EPX: variants seen among roughly 807,000 people sequenced by gnomAD.
EPX encodes the protein eosinophil peroxidase.
Under a neutral mutation model 73.0 loss-of-function variants are expected in EPX, and 60 were observed. The ratio of observed to expected loss-of-function variants is 0.82; its 90% CI spans 0.67 to 1.02. EPX has a LOEUF of 1.02. Ranked by LOEUF, EPX falls within the 50% of genes least tolerant of loss-of-function variation. The pLI is 0.00. For missense variants in EPX, 950 were observed against 973.9 expected, an observed-to-expected ratio of 0.98 and a Z score of 0.33; for synonymous variants, 347 against 389.2, an observed-to-expected ratio of 0.89 and a Z score of 1.28.
rs751065435 is a variant in EPX at position 58,195,014 on chromosome 17, C to T, written c.645C>T (p.Thr215=). 2.4e-5 allele frequency: 38 copies of T among 1,614,166 alleles called. No homozygotes were observed. Among genetic ancestry groups the T allele is most frequent in the Non-Finnish European group, 3.0e-5 (35 of 1,180,006 alleles). ...QIVRFPNERL[T]SDRGRALMFM... ...TGCGCTTCCCCAATGAGAGACTGACCTCCGACCGTGGCCGAGCCCTCATGT... is the reference window on the plus strand; with the variant it reads ...TGCGCTTCCCCAATGAGAGACTGACTTCCGACCGTGGCCGAGCCCTCATGT... The change falls in exon 6 of 13, where the codon ACC becomes ACT. Residue 215 remains threonine (T), a synonymous_variant. Transcript: ENST00000225371.
Position 58,193,764 on chromosome 17 carries a change from G to C in EPX, c.397G>C (p.Ala133Pro), listed in dbSNP as rs1297380721. Residue 133 changes from alanine to proline, a missense_variant, in exon 4 of 13, where the codon GCT (alanine) becomes CCT (proline). Ala to Pro is a conservative substitution (Grantham distance 27). Transcript: ENST00000225371. Reference sequence around the variant, plus strand: ...GCTGCTGTCCCAGGCCAGTGGCTGTGCTCTCCGGGACCAGGCCGAGCGCTG... The same window carrying C: ...GCTGCTGTCCCAGGCCAGTGGCTGTCCTCTCCGGGACCAGGCCGAGCGCTG... ...LRLLSQASGC[A>P]LRDQAERCSD... The C allele has an allele frequency of 6.2e-7, 1 of 1,612,710 alleles. No homozygotes were observed. Among genetic ancestry groups the C allele is most frequent in the Admixed American group, 1.7e-5 (1 of 60,022 alleles).
rs1597968327 is a variant in EPX at position 58,200,129 on chromosome 17, C to T, written c.1538-96C>T. 6.6e-6 allele frequency: 8 copies of T among 1,214,700 alleles called. No individual in the cohort carries two copies. The South Asian group carries it at 9.7e-5, about 15-fold the overall frequency. 75.2% of individuals were successfully genotyped at this position (1,214,700 alleles called of 1,614,324 possible). A position where few individuals can be genotyped will look rare whatever the true frequency, so the allele number is the denominator to read the frequency against. ...AAACGTTACTAACATACCCGACTGG[C>T]TTGTCCAGCTCTGGGCTAGCTTGGC... On this transcript the variant is annotated intron_variant, in intron 9 of 12. Transcript: ENST00000225371.
At chr17:58,193,159 G>T in intron 2 of EPX, 28 bp downstream of exon 2, 1 of 1,510,932 alleles carries the variant, frequency 6.6e-7, no homozygotes, top group Non-Finnish European at 9.2e-7. Flanking sequence ...GGCTGCATGG[G>T]CCTGGGAGGA....
chr17:58,193,779 G>T lies in EPX; in HGVS notation c.412G>T (p.Ala138Ser). 1.2e-6 allele frequency: 2 copies of T among 1,613,118 alleles called. No homozygotes were observed. Among genetic ancestry groups the T allele is most frequent in the Non-Finnish European group, 1.7e-6 (2 of 1,179,976 alleles). Residue 138 changes from alanine to serine, a missense_variant, in exon 4 of 13, where the codon GCC (alanine) becomes TCC (serine). Transcript: ENST00000225371. ...QASGCALRDQ[A>S]ERCSDKYRTI... is the part of the protein sequence containing the mutation. ...CAGTGGCTGTGCTCTCCGGGACCAGGCCGAGCGCTGCAGCGACAAGTACCG... is the reference window on the plus strand; with the variant it reads ...CAGTGGCTGTGCTCTCCGGGACCAGTCCGAGCGCTGCAGCGACAAGTACCG...
In EPX at chr17:58,196,986, T is replaced by C; in HGVS notation, c.849T>C (p.Pro283=). Residue 283 remains proline (P), a synonymous_variant, in exon 7 of 13, where the codon CCT becomes CCC. Coordinates refer to ENST00000225371, the MANE Select transcript of EPX (RefSeq NM_000502.6). ...PRIKNQRDCI[P]FFRSAPSCPQ... ...TCAAGAACCAGCGTGACTGCATCCCTTTCTTCCGCTCGGCACCCTCATGCC... is the reference window on the plus strand; with the variant it reads ...TCAAGAACCAGCGTGACTGCATCCCCTTCTTCCGCTCGGCACCCTCATGCC... The C allele has an allele frequency of 3.1e-6, 5 of 1,614,064 alleles. No individual in the cohort carries two copies. In the South Asian group the frequency reaches 5.5e-5, roughly 18 times the overall value.
rs942724820 is a variant in EPX, at chr17:58,204,218, G to A, written c.1947-4G>A. On this transcript the variant is annotated splice_polypyrimidine_tract_variant and splice_region_variant and intron_variant, in intron 11 of 12. Transcript: ENST00000225371. ...TTCACCCACATCTCTCGACTGCCTG[G>A]TAGGTTCTGGTGGCAGAAACGAGGT... is the stretch of plus-strand genomic sequence containing the variant. The A allele has an allele frequency of 6.2e-7, 1 of 1,612,400 alleles. No individual in the cohort carries two copies. The highest frequency in any genetic ancestry group is 1.7e-5 in the Admixed American group (1 of 60,004).
chr17:58,192,818 T>G lies in EPX; in HGVS notation c.-29T>G. On this transcript the variant is annotated 5_prime_UTR_variant, in exon 1 of 13. Coordinates refer to ENST00000225371, the MANE Select transcript of EPX (RefSeq NM_000502.6). Reference sequence around the variant, plus strand: ...CGTGCAGGCTGTGGATGTCACTCACTTCCCAGCTGGTGAAGCCTCGCTGCA... The same window carrying G: ...CGTGCAGGCTGTGGATGTCACTCACGTCCCAGCTGGTGAAGCCTCGCTGCA... 1 of 1,606,294 alleles carries G rather than the reference T, an allele frequency of 6.2e-7. No individual in the cohort carries two copies.
chr17:58,203,082 G>C lies in EPX; in HGVS notation c.1710G>C (p.Gly570=). The C allele has an allele frequency of 6.2e-7, 1 of 1,611,772 alleles. No homozygotes were observed. The highest frequency in any genetic ancestry group is 2.2e-5 in the East Asian group (1 of 44,892). The change falls in exon 11 of 13, where the codon GGG becomes GGC. Residue 570 remains glycine, a splice_region_variant and synonymous_variant. Coordinates refer to ENST00000225371, the MANE Select transcript of EPX (RefSeq NM_000502.6). ...MQRSRDHGLP[G]YNAWRRFCGL... ...CTGCTTCTCCCCGTTCCCCTGCAGGGTACAATGCTTGGAGGCGCTTCTGTG... is the reference window on the plus strand; with the variant it reads ...CTGCTTCTCCCCGTTCCCCTGCAGGCTACAATGCTTGGAGGCGCTTCTGTG...
intron 10 of EPX, 114 bp downstream of exon 10, chr17:58,200,509 G>A (rs767002079): frequency 2.7e-5 from 31 of 1,130,458 alleles, no homozygotes; most frequent in Non-Finnish European, 3.6e-5. Context: ...GGATGTGCAG[G>A]AGTGCAGAGG....
intron 10 of EPX, chr17:58,202,482 A>C (rs746717420): frequency 1.2e-5 from 2 of 162,314 alleles, no homozygotes; most frequent in Non-Finnish European, 2.7e-5. Flanking sequence ...ACCATGATCT[A>C]ATATCACACC....
chr17:58,193,018 GT>G lies in EPX; in HGVS notation c.77-19del, dbSNP rs760538689. 8 of 1,601,646 alleles carry G rather than the reference GT, an allele frequency of 5.0e-6. No homozygotes were observed. In the South Asian group the frequency reaches 5.5e-5, roughly 11 times the overall value. On this transcript the variant is annotated intron_variant, in intron 1 of 12. Transcript: ENST00000225371. ...GGTCTTGTGGCTTGCTGAACCCTGA[GT>G]CCCCATCTCTTTGAACAGCCTCCCC...
chr17:58,195,230 T>C, intron 6 of EPX, 60 bp downstream of exon 6: 2 of 1,348,294 alleles, frequency 1.5e-6, no homozygotes, highest in South Asian at 2.3e-5. Context: ...GGCAAGGTGC[T>C]GGGGGTGGGG....
chr17:58,193,372 A>G lies in EPX; in HGVS notation c.172A>G (p.Ile58Val). The change falls in exon 3 of 13, where the codon ATC becomes GTC. Residue 58 changes from isoleucine (I) to valine (V), a missense_variant and splice_region_variant. Coordinates refer to ENST00000225371, the MANE Select transcript of EPX (RefSeq NM_000502.6). ...DAAYNWTQKS[I>V]KQRLRSGSAS... ...CCTCACTCCTCCTCTCCTGGGCAGC[A>G]TCAAGCAGCGGCTTCGCAGCGGTTC... 1.2e-6 allele frequency: 2 copies of G among 1,614,174 alleles called. No individual in the cohort carries two copies. Among genetic ancestry groups the G allele is most frequent in the South Asian group, 1.1e-5 (1 of 91,080 alleles).
In EPX at chr17:58,193,496, T is replaced by C; in HGVS notation, c.296T>C (p.Leu99Pro). 2 of 1,614,222 alleles carry C rather than the reference T, an allele frequency of 1.2e-6. No homozygotes were observed. Among genetic ancestry groups the C allele is most frequent in the Non-Finnish European group, 1.7e-6 (2 of 1,180,040 alleles). ...GATTATATGCATGTGGCTTTGGGGC[T>C]GCTTGAAGAGAAGTTACAACCCCAG... ...AADYMHVALG[L>P]LEEKLQPQRS... The change falls in exon 3 of 13, where the codon CTG (leucine) becomes CCG (proline). Residue 99 changes from leucine to proline, a missense_variant. Coordinates refer to ENST00000225371, the MANE Select transcript of EPX (RefSeq NM_000502.6).
Position 58,192,939 on chromosome 17 carries a change from C to T in EPX, c.76+17C>T. ...CTGACCCAGGTAATAGTCCCCTAGA[C>T]AGGCAAGGAGGAGGGAGGGGAAATG... On this transcript the variant is annotated intron_variant, in intron 1 of 12. Transcript: ENST00000225371. The T allele has an allele frequency of 6.2e-7, 1 of 1,612,480 alleles. No homozygotes were observed. The highest frequency in any genetic ancestry group is 8.5e-7 in the Non-Finnish European group (1 of 1,178,470).
At chr17:58,193,935 T>C (rs2143704757) in intron 4 of EPX, 28 bp from the exon 5 acceptor site, 1 of 1,612,688 alleles carries the variant, frequency 6.2e-7, no homozygotes, top group Non-Finnish European at 8.5e-7. Flanking sequence ...CCCTGCCCCC[T>C]GCTAACCTAT....
chr17:58,193,655 T>C lies in EPX; in HGVS notation c.347-59T>C. ...TTTGGGGTGCTGGGAGGAGAGAGGGTAAAGGGATGGGAGGTACAGAGCAGG... is the reference window on the plus strand; with the variant it reads ...TTTGGGGTGCTGGGAGGAGAGAGGGCAAAGGGATGGGAGGTACAGAGCAGG... On this transcript the variant is annotated intron_variant, in intron 3 of 12. Coordinates refer to ENST00000225371, the MANE Select transcript of EPX (RefSeq NM_000502.6). 1.9e-6 allele frequency: 3 copies of C among 1,540,538 alleles called. 1 individual carries two copies. The South Asian group carries it at 3.4e-5, about 17-fold the overall frequency.
At chr17:58,195,714 G>GCACACACACGCTCCCTCT (rs1464757995) in intron 6 of EPX, among the ~76,000 whole-genome samples, 1 of 151,898 alleles carries the variant, frequency 6.6e-6, no homozygotes, top group Non-Finnish European at 1.5e-5. Flanking sequence ...ACACACACGT[G>GCACACACACGCTCCCTCT]CACACACACG....
In EPX at chr17:58,199,657, C is replaced by A; in HGVS notation, c.1400C>A (p.Thr467Asn). The change falls in exon 9 of 13, where the codon ACC becomes AAC. Residue 467 changes from threonine to asparagine, a missense_variant. Coordinates refer to ENST00000225371, the MANE Select transcript of EPX (RefSeq NM_000502.6). Reference protein sequence around the residue: ...NVDPRVANVFTLAFRFGHTML... With the variant: ...NVDPRVANVFNLAFRFGHTML... ...GACCCACGGGTGGCCAATGTCTTCA[C>A]CCTGGCCTTCCGCTTTGGCCACACA... is the stretch of plus-strand genomic sequence containing the variant. 6.2e-7 allele frequency: 1 copy of A among 1,614,120 alleles called. No homozygotes were observed.
Sources: gnomAD v4.1 joint callset for allele counts (sites outside exome capture counted in the v4.1 genomes callset) on GRCh38, gnomAD v4.1.1 for gene constraint, MANE v1.5 for transcripts, NCBI Gene and HGNC (gene_info 2026-07-23, HGNC 2026-07-21) for gene names.